MORN1: variants seen among roughly 807,000 people sequenced by gnomAD.
MORN1 encodes the protein MORN repeat containing 1.
A neutral mutation model predicts 61.9 loss-of-function variants in MORN1; 67 were observed. The observed-to-expected ratio is 1.08, with a 90% CI of 0.89 to 1.33. The LOEUF (loss-of-function observed/expected upper bound fraction) is 1.33, where lower values mean the gene tolerates loss of function less well. Among genes scored for constraint, MORN1 ranks in the 40% most tolerant of loss-of-function variants. The pLI is 0.00. For missense variants in MORN1, 752 were observed against 691.2 expected (o/e 1.09, Z -0.99); for synonymous variants, 301 against 292.0 (o/e 1.03, Z -0.31).
At chr1:2,332,943 C>G (rs1641191013) in intron 12 of MORN1, among the ~76,000 whole-genome samples, 1 of 152,184 alleles carries the variant, frequency 6.6e-6, no homozygotes, top group South Asian at 2.1e-4. Context: ...GCCCACCAGG[C>G]TGCCTACGAG....
chr1:2,325,127 C>T (rs796799878), intron 12 of MORN1, among the ~76,000 whole-genome samples: 1,941 of 55,666 alleles, frequency 0.035, 29 homozygotes, highest in East Asian at 0.13. Flanking sequence ...CCTTCCCTTC[C>T]TTCCTTCCCT....
intron 12 of MORN1, among the ~76,000 whole-genome samples, chr1:2,330,670 GGGA>G (rs1345376905): frequency 6.6e-6 from 1 of 152,246 alleles, no homozygotes; most frequent in Non-Finnish European, 1.5e-5. Flanking sequence ...GAGCCGAGGA[GGGA>G]GGAGGAGCTT....
chr1:2,331,748 C>G (rs996571480), intron 12 of MORN1, among the ~76,000 whole-genome samples: 1 of 152,168 alleles, frequency 6.6e-6, no homozygotes, highest in African/African-American at 2.4e-5. Context: ...AACAAAGGCG[C>G]GCGTTTCTCC....
chr1:2,367,306 C>CAAAAAA (rs56188781), intron 8 of MORN1, among the ~76,000 whole-genome samples: 12 of 132,798 alleles, frequency 9.0e-5, no homozygotes, highest in Non-Finnish European at 1.3e-4. Flanking sequence ...ATTGCTCTAT[C>CAAAAAA]AAAAAAAAAA....
chr1:2,353,301 T>C (rs2100295105), intron 10 of MORN1, among the ~76,000 whole-genome samples: 1 of 152,374 alleles, frequency 6.6e-6, no homozygotes, highest in South Asian at 2.1e-4. Context: ...CACCCTTTTG[T>C]TTTCTTTCAG....
At chr1:2,340,021 G>C (rs1232309754) in intron 10 of MORN1, among the ~76,000 whole-genome samples, 3 of 152,250 alleles carry the variant, frequency 2.0e-5, no homozygotes, top group Non-Finnish European at 4.4e-5. Context: ...GTTTTCCAAG[G>C]CTGCGCCTGG....
In MORN1 at chr1:2,328,782, C is replaced by G. The variant is rs188198564; in HGVS notation, c.1251-4639G>C. ...TGGGTGCAGACGCCAGCCCCAGCTC[C>G]TCTCCCGGGGAGCACAGCCTGTGTG... On this transcript the variant is annotated intron_variant, in intron 12 of 13. Coordinates refer to ENST00000378531, the MANE Select transcript of MORN1 (RefSeq NM_024848.3). Among the ~76,000 whole-genome samples the G allele has an allele frequency of 2.4e-3, 367 of 152,336 alleles. 1 individual carries two copies. Among genetic ancestry groups the G allele is most frequent in the Middle Eastern group, 6.8e-3 (2 of 294 alleles).
chr1:2,364,361 G>A (rs550071135), intron 8 of MORN1, among the ~76,000 whole-genome samples: 1 of 151,966 alleles, frequency 6.6e-6, no homozygotes, highest in African/African-American at 2.4e-5. Flanking sequence ...GTGCATAAAT[G>A]TCTTCTTTTG....
At chr1:2,383,129 C>A (rs1005368567) in intron 6 of MORN1, among the ~76,000 whole-genome samples, 1 of 152,214 alleles carries the variant, frequency 6.6e-6, no homozygotes, top group Admixed American at 6.5e-5. Flanking sequence ...GTTCCCAGCA[C>A]CCCCCTTCCT....
At chr1:2,378,396 G>A (rs1461457899) in intron 6 of MORN1, 1 of 158,266 alleles carries the variant, frequency 6.3e-6, no homozygotes, top group East Asian at 1.9e-4. Context: ...CCTGGACTGT[G>A]ACCCCTGGGT....
At chr1:2,349,535 A>G (rs1641601751) in intron 10 of MORN1, among the ~76,000 whole-genome samples, 1 of 152,224 alleles carries the variant, frequency 6.6e-6, no homozygotes, top group African/African-American at 2.4e-5. Flanking sequence ...TTTCTGGGAC[A>G]GTCCCTCTAT....
rs893551978 is a variant in MORN1 at position 2,357,950 on chromosome 1, G to T, written c.870-352C>A. Among the ~76,000 whole-genome samples, 1 of 152,204 alleles carries T rather than the reference G, an allele frequency of 6.6e-6. No individual in the cohort carries two copies. The highest frequency in any genetic ancestry group is 1.5e-5 in the Non-Finnish European group (1 of 68,044). On this transcript the variant is annotated intron_variant, in intron 9 of 13. Coordinates refer to ENST00000378531, the MANE Select transcript of MORN1 (RefSeq NM_024848.3). This position sits in a 1 kb window ranked among gnomAD's most constrained non-coding sequence, Gnocchi z 6.3. ...CAGTCCTTAACTCAGGAGAAGGGCC[G>T]GTGGGAAAAGGGAGTGTGAGAGCTG...
At chr1:2,353,575 A>C (rs1641698325) in intron 10 of MORN1, among the ~76,000 whole-genome samples, 1 of 152,262 alleles carries the variant, frequency 6.6e-6, no homozygotes, top group African/African-American at 2.4e-5. Flanking sequence ...ACTCTTGCTG[A>C]AGCCATGATT....
At chr1:2,349,567 G>T (rs1327027274) in intron 10 of MORN1, among the ~76,000 whole-genome samples, 3 of 152,140 alleles carry the variant, frequency 2.0e-5, no homozygotes, top group Admixed American at 2.0e-4. Flanking sequence ...CCTAGAAAAA[G>T]AATTTATAGC....
intron 6 of MORN1, chr1:2,378,168 G>A (rs1642285952): frequency 6.6e-6 from 1 of 152,400 alleles, no homozygotes; most frequent in African/African-American, 2.4e-5. Context: ...GAACTGTGAG[G>A]AGTTCCAGAG....
At position 2,336,901 on chromosome 1, in the gene MORN1, G is replaced by A. The variant is rs375270087; in HGVS notation, c.1037-51C>T. ...CCTATGAGGGGCTCAGGGCGGAGACGGAGGGAGCCCCACAGGGCTGTGCTG... is the reference window on the plus strand; with the variant it reads ...CCTATGAGGGGCTCAGGGCGGAGACAGAGGGAGCCCCACAGGGCTGTGCTG... On this transcript the variant is annotated intron_variant, in intron 10 of 13. Coordinates refer to ENST00000378531, the MANE Select transcript of MORN1 (RefSeq NM_024848.3). The A allele has an allele frequency of 3.1e-4, 455 of 1,486,082 alleles. 2 individuals are homozygous for A. The highest frequency in any genetic ancestry group is 3.9e-4 in the Non-Finnish European group (437 of 1,117,232). The allele number at this position is 1,486,082 out of a possible 1,614,324, so 92.1% of individuals were successfully genotyped here.
rs1281824219 is a variant in MORN1, at chr1:2,334,579, G to A, written c.1250+1890C>T. Reference sequence around the variant, plus strand: ...CTGCCTGTCCCAACACGACGAGAGGGCCCTGGCTGTGTGGCCGTGGAGCCG... The same window carrying A: ...CTGCCTGTCCCAACACGACGAGAGGACCCTGGCTGTGTGGCCGTGGAGCCG... On this transcript the variant is annotated intron_variant, in intron 12 of 13. Coordinates refer to ENST00000378531, the MANE Select transcript of MORN1 (RefSeq NM_024848.3). This position sits in a 1 kb window ranked among gnomAD's most constrained non-coding sequence, Gnocchi z 5.4. Among the ~76,000 whole-genome samples the A allele has an allele frequency of 1.3e-5, 2 of 152,204 alleles. No individual in the cohort carries two copies. Among genetic ancestry groups the A allele is most frequent in the Non-Finnish European group, 1.5e-5 (1 of 68,032 alleles).
At chr1:2,327,013 A>C (rs1413179597) in intron 12 of MORN1, among the ~76,000 whole-genome samples, 62 of 152,190 alleles carry the variant, frequency 4.1e-4, no homozygotes, top group Non-Finnish European at 1.5e-5. Flanking sequence ...AACACACAGA[A>C]ACACACAGAA....
At chr1:2,367,963 G>A (rs536402092) in intron 8 of MORN1, among the ~76,000 whole-genome samples, 3 of 152,298 alleles carry the variant, frequency 2.0e-5, no homozygotes, top group African/African-American at 7.2e-5. Flanking sequence ...AAACACAGGA[G>A]TAAATCTCCA....
Sources: gnomAD v4.1 joint callset for allele counts (sites outside exome capture counted in the v4.1 genomes callset) on GRCh38, gnomAD v4.1.1 for gene constraint, Gnocchi (gnomAD v3.1) non-coding constraint, MANE v1.5 for transcripts, NCBI Gene and HGNC (gene_info 2026-07-23, HGNC 2026-07-21) for gene names.